SKP2: variants seen among roughly 807,000 people sequenced by gnomAD.
The protein encoded by SKP2 is S-phase kinase-associated protein 2.
Under a neutral mutation model 51.8 loss-of-function variants are expected in SKP2, and 16 were observed. That is an observed-to-expected ratio of 0.31 (90% CI 0.21 to 0.47). The LOEUF (loss-of-function observed/expected upper bound fraction) is 0.47. Among genes scored for constraint, SKP2 ranks in the 20% least tolerant of loss-of-function variants. The probability of loss-of-function intolerance (pLI) is 1.00; values close to 1 mark genes in which losing one functional copy is unlikely to be tolerated. For missense variants in SKP2, 377 were observed against 505.3 expected, an observed-to-expected ratio of 0.75 and a Z score of 2.43; for synonymous variants, 176 against 198.6, an observed-to-expected ratio of 0.89 and a Z score of 0.96.
chr5:36,188,662 A>T (rs960470664), downstream of SKP2, among the ~76,000 whole-genome samples: 1 of 151,784 alleles, frequency 6.6e-6, no homozygotes, highest in Non-Finnish European at 1.5e-5. Context: ...TGCCCTTAAC[A>T]TTTTTTCCTT....
downstream of SKP2, among the ~76,000 whole-genome samples, chr5:36,189,148 A>C (rs1256723262): frequency 6.6e-6 from 1 of 152,162 alleles, no homozygotes; most frequent in African/African-American, 2.4e-5. Context: ...CAAAGTTTTT[A>C]GCTTCTTTGC....
In SKP2 at chr5:36,182,548, A is replaced by G; in HGVS notation, c.*517A>G. ...CTTTTCTAGGAATAGGAAAGAGAAA[A>G]ATGTATTTGAATTTTGCCTTTAGAT... On this transcript the variant is annotated 3_prime_UTR_variant, in exon 10 of 10. Transcript: ENST00000274255. 1 of 985,010 alleles carries G rather than the reference A, an allele frequency of 1.0e-6. No individual in the cohort carries two copies. The highest frequency in any genetic ancestry group is 1.2e-6 in the Non-Finnish European group (1 of 829,498). The allele number at this position is 985,010 out of a possible 1,614,324, so 61.0% of individuals were successfully genotyped here.
downstream of SKP2, among the ~76,000 whole-genome samples, chr5:36,184,471 C>T (rs1175571097): frequency 6.6e-6 from 1 of 152,066 alleles, no homozygotes; most frequent in African/African-American, 2.4e-5. Context: ...TCCAGGTGTT[C>T]TCGTTGTTCA....
intron 7 of SKP2, among the ~76,000 whole-genome samples, chr5:36,174,282 A>G (rs1391760577): frequency 1.3e-5 from 2 of 152,118 alleles, no homozygotes; most frequent in Non-Finnish European, 2.9e-5. Flanking sequence ...GGTGAAATGA[A>G]GGGGACAGTG....
intron 9 of SKP2, 97 bp from the exon 10 acceptor site, chr5:36,181,721 T>C (rs1185754543): frequency 1.3e-5 from 16 of 1,257,780 alleles, no homozygotes; most frequent in Non-Finnish European, 1.8e-5. Flanking sequence ...GACTGCATTT[T>C]GTAGATGACA....
At chr5:36,160,289 A>G (rs755223394) in intron 2 of SKP2, among the ~76,000 whole-genome samples, 3 of 152,228 alleles carry the variant, frequency 2.0e-5, no homozygotes, top group Non-Finnish European at 4.4e-5. Context: ...TCAACATATT[A>G]GATTCAAAAT....
Position 36,166,630 on chromosome 5 carries a change from A to T in SKP2, c.504A>T (p.Ser168=). 6.2e-7 allele frequency: 1 copy of T among 1,613,786 alleles called. No homozygotes were observed. Among genetic ancestry groups the T allele is most frequent in the Non-Finnish European group, 8.5e-7 (1 of 1,179,904 alleles). The part of the protein sequence containing the change: ...QGVIAFRCPR[S]FMDQPLAEHF... ...TGATTGCCTTCCGCTGCCCACGATC[A>T]TTTATGGACCAACCATTGGCTGAAC... is the stretch of plus-strand genomic sequence containing the variant. Residue 168 remains serine (S), a synonymous_variant, in exon 4 of 10, where the codon TCA becomes TCT. Transcript: ENST00000274255.
chr5:36,166,630 A>G lies in SKP2; in HGVS notation c.504A>G (p.Ser168=). ...QGVIAFRCPR[S]FMDQPLAEHF... ...TGATTGCCTTCCGCTGCCCACGATC[A>G]TTTATGGACCAACCATTGGCTGAAC... Residue 168 remains serine (S), a synonymous_variant, in exon 4 of 10, where the codon TCA becomes TCG. Transcript: ENST00000274255. The G allele has an allele frequency of 1.2e-6, 2 of 1,613,786 alleles. No homozygotes were observed. Among genetic ancestry groups the G allele is most frequent in the Non-Finnish European group, 1.7e-6 (2 of 1,179,904 alleles).
At chr5:36,175,638 T>C (rs1745609350) in intron 7 of SKP2, among the ~76,000 whole-genome samples, 1 of 152,070 alleles carries the variant, frequency 6.6e-6, no homozygotes, top group African/African-American at 2.4e-5. Context: ...TCTCTCTTTC[T>C]TTCTGTGTAT....
chr5:36,169,141 C>G (rs1242289978), intron 5 of SKP2, among the ~76,000 whole-genome samples: 3 of 152,128 alleles, frequency 2.0e-5, no homozygotes, highest in Admixed American at 6.5e-5. Flanking sequence ...GGACTGGACT[C>G]TTCCATTAAG....
intron 2 of SKP2, among the ~76,000 whole-genome samples, chr5:36,157,931 T>C (rs1338342162): frequency 1.3e-5 from 2 of 152,196 alleles, no homozygotes; most frequent in African/African-American, 4.8e-5. Flanking sequence ...TAGAAAACTC[T>C]CCAACAAGGC....
At position 36,184,015 on chromosome 5, in the gene SKP2, A is replaced by G; in HGVS notation, c.*1984A>G. Reference sequence around the variant, plus strand: ...TAGACTTGTTTTAAAACAATAAAACACATTTTTATAAAAATGAGTGCTTAA... The same window carrying G: ...TAGACTTGTTTTAAAACAATAAAACGCATTTTTATAAAAATGAGTGCTTAA... On this transcript the variant is annotated 3_prime_UTR_variant, in exon 10 of 10. Coordinates refer to ENST00000274255, the MANE Select transcript of SKP2 (RefSeq NM_005983.4). The G allele has an allele frequency of 6.9e-7, 1 of 1,439,082 alleles. No individual in the cohort carries two copies. Among genetic ancestry groups the G allele is most frequent in the East Asian group, 2.3e-5 (1 of 43,198 alleles). The allele number at this position is 1,439,082 out of a possible 1,614,324, so 89.1% of individuals were successfully genotyped here. A position where few individuals can be genotyped will look rare whatever the true frequency, so the allele number is the denominator to read the frequency against.
At chr5:36,185,200 A>G (rs545587172), downstream of SKP2, among the ~76,000 whole-genome samples, 1 of 152,048 alleles carries the variant, frequency 6.6e-6, no homozygotes, top group Non-Finnish European at 1.5e-5. Context: ...TTTCTCCCAT[A>G]GTGTAGGTTG....
At chr5:36,186,410 A>G (rs941165976), downstream of SKP2, among the ~76,000 whole-genome samples, 2 of 152,192 alleles carry the variant, frequency 1.3e-5, no homozygotes, top group Non-Finnish European at 2.9e-5. Context: ...AGCTCTTATT[A>G]TTTTGAGATA....
chr5:36,164,860 G>A (rs1289616232), intron 3 of SKP2, among the ~76,000 whole-genome samples: 1 of 152,128 alleles, frequency 6.6e-6, no homozygotes, highest in Non-Finnish European at 1.5e-5. Context: ...ATGTGAAATG[G>A]CTGCTATCAT....
chr5:36,156,297 T>C (rs1744944202), intron 2 of SKP2, among the ~76,000 whole-genome samples: 1 of 151,464 alleles, frequency 6.6e-6, no homozygotes, highest in South Asian at 2.1e-4. Context: ...TTCCAAGGAG[T>C]TTTGTCTGCA....
chr5:36,152,184 C>A lies in SKP2; in HGVS notation c.-79C>A. ...CCGAGCAGCACGCTCGGAGCCGCCG[C>A]GCGCCAAAGCGGGAATCTGGGAGGC... is the stretch of plus-strand genomic sequence containing the variant. On this transcript the variant is annotated 5_prime_UTR_variant, in exon 1 of 10. Transcript: ENST00000274255. The A allele has an allele frequency of 2.6e-6, 4 of 1,523,626 alleles. No homozygotes were observed. Among genetic ancestry groups the A allele is most frequent in the Non-Finnish European group, 3.6e-6 (4 of 1,098,992 alleles). The allele number at this position is 1,523,626 out of a possible 1,614,324, so 94.4% of individuals were successfully genotyped here. A position where few individuals can be genotyped will look rare whatever the true frequency, so the allele number is the denominator to read the frequency against.
intron 6 of SKP2, among the ~76,000 whole-genome samples, chr5:36,192,127 C>G (rs1746039069): frequency 6.6e-6 from 1 of 152,070 alleles, no homozygotes; most frequent in African/African-American, 2.4e-5. Flanking sequence ...AGTCTTAAAG[C>G]CCGTAAGACT....
At chr5:36,171,460 G>T (rs1345858100) in intron 6 of SKP2, 143 bp from the exon 7 acceptor site, 3 of 780,360 alleles carry the variant, frequency 3.8e-6, no homozygotes, top group Non-Finnish European at 6.4e-6. Flanking sequence ...GTGACTAAAG[G>T]TAGCTACTGT....
Sources: gnomAD v4.1 joint callset for allele counts (sites outside exome capture counted in the v4.1 genomes callset) on GRCh38, gnomAD v4.1.1 for gene constraint, MANE v1.5 for transcripts, NCBI Gene and HGNC (gene_info 2026-07-23, HGNC 2026-07-21) for gene names.